SLC1A3: variants seen among roughly 807,000 people sequenced by gnomAD.
The protein encoded by SLC1A3 is solute carrier family 1 member 3, also known as excitatory amino acid transporter 1.
In SLC1A3, 21 loss-of-function variants were observed where a neutral mutation model predicts 48.1. The ratio of observed to expected loss-of-function variants is 0.44; its 90% confidence interval spans 0.31 to 0.63. The LOEUF (loss-of-function observed/expected upper bound fraction) is 0.63. Among genes scored for constraint, SLC1A3 ranks in the 20% least tolerant of loss-of-function variants. The probability of loss-of-function intolerance (pLI) is 0.08; values close to 1 mark genes in which losing one functional copy is unlikely to be tolerated. For synonymous variants in SLC1A3, 239 were observed against 251.4 expected (o/e 0.95, Z 0.47); for missense variants, 546 against 689.0 (o/e 0.79, Z 2.32).
At chr5:36,660,069 C>T (rs1023591523) in intron 3 of SLC1A3, among the ~76,000 whole-genome samples, 8 of 152,190 alleles carry the variant, frequency 5.3e-5, no homozygotes, top group African/African-American at 1.7e-4. Context: ...TTCTATCACT[C>T]GCTGTCTTTT....
chr5:36,648,947 G>A (rs745429), intron 3 of SLC1A3, among the ~76,000 whole-genome samples: 17,945 of 152,136 alleles, frequency 0.12, 1,236 homozygotes, highest in South Asian at 0.18. Context: ...GAACATTCCC[G>A]ACTGTACAGT....
At chr5:36,598,267 A>G (rs1238433369) in intron 1 of SLC1A3, among the ~76,000 whole-genome samples, 3 of 152,260 alleles carry the variant, frequency 2.0e-5, no homozygotes, top group Non-Finnish European at 4.4e-5. Context: ...AATAAAACTT[A>G]GTAACAGTGG....
intron 3 of SLC1A3, among the ~76,000 whole-genome samples, chr5:36,639,030 G>C (rs905948843): frequency 1.3e-5 from 2 of 152,200 alleles, no homozygotes; most frequent in African/African-American, 4.8e-5. Flanking sequence ...ATATTGATGA[G>C]CATAAAGTAA....
intron 3 of SLC1A3, chr5:36,666,145 G>A (rs993923692): frequency 5.3e-5 from 8 of 151,974 alleles, no homozygotes; most frequent in African/African-American, 1.9e-4. Context: ...GTGTACCCTG[G>A]ACTCAGCAGT....
intron 3 of SLC1A3, among the ~76,000 whole-genome samples, chr5:36,656,388 C>T (rs927364374): frequency 1.3e-5 from 2 of 152,148 alleles, no homozygotes; most frequent in African/African-American, 4.8e-5. Flanking sequence ...TGGTATGTGG[C>T]CTCTAGATTA....
intron 2 of SLC1A3, among the ~76,000 whole-genome samples, chr5:36,616,767 G>T (rs1022242899): frequency 5.9e-5 from 9 of 152,256 alleles, no homozygotes; most frequent in African/African-American, 2.2e-4. Flanking sequence ...AAAAGCCCGG[G>T]TTTCTTGTGC....
At chr5:36,673,135 T>C (rs1423679) in intron 4 of SLC1A3, among the ~76,000 whole-genome samples, 78,803 of 151,434 alleles carry the variant, frequency 0.52, 21,243 homozygotes, top group African/African-American at 0.67. Flanking sequence ...CCTCATAGAG[T>C]GTAGATAGGA....
At chr5:36,675,777 G>A (rs955691476) in intron 5 of SLC1A3, among the ~76,000 whole-genome samples, 1 of 152,206 alleles carries the variant, frequency 6.6e-6, no homozygotes, top group Non-Finnish European at 1.5e-5. Context: ...TGTGTCCATA[G>A]TATTGACAGC....
At chr5:36,682,519 A>T (rs893522575) in intron 8 of SLC1A3, among the ~76,000 whole-genome samples, 1 of 147,868 alleles carries the variant, frequency 6.8e-6, no homozygotes, top group African/African-American at 2.5e-5. Context: ...CTGGGTTATT[A>T]AAAAAAAAAG....
chr5:36,618,092 A>G (rs1472285977), intron 2 of SLC1A3, among the ~76,000 whole-genome samples: 4 of 152,248 alleles, frequency 2.6e-5, no homozygotes, highest in African/African-American at 9.6e-5. Context: ...GACTGAGGAA[A>G]CTAAGGAAAT....
chr5:36,665,342 AG>A (rs1223984298), intron 3 of SLC1A3, among the ~76,000 whole-genome samples: 2 of 152,216 alleles, frequency 1.3e-5, no homozygotes, highest in African/African-American at 4.8e-5. Context: ...CTAGGCACTG[AG>A]GCCACTGCAA....
At chr5:36,651,087 G>A (rs1741041126) in intron 3 of SLC1A3, among the ~76,000 whole-genome samples, 1 of 148,692 alleles carries the variant, frequency 6.7e-6, no homozygotes, top group Non-Finnish European at 1.5e-5. Flanking sequence ...AACATGATGG[G>A]GAATGCAGCT....
At chr5:36,621,940 C>A (rs148426525) in intron 2 of SLC1A3, among the ~76,000 whole-genome samples, 2 of 152,138 alleles carry the variant, frequency 1.3e-5, no homozygotes, top group South Asian at 2.1e-4. Flanking sequence ...ATTCTTGTAA[C>A]CTTGAGACAA....
At chr5:36,601,073 G>T (rs559599818) in intron 1 of SLC1A3, among the ~76,000 whole-genome samples, 2 of 152,320 alleles carry the variant, frequency 1.3e-5, no homozygotes, top group South Asian at 2.1e-4. Flanking sequence ...ATGCGAAATA[G>T]TTGCTATAAT....
At chr5:36,616,460 AG>A (rs1236531247) in intron 2 of SLC1A3, among the ~76,000 whole-genome samples, 1 of 152,210 alleles carries the variant, frequency 6.6e-6, no homozygotes, top group Non-Finnish European at 1.5e-5. Flanking sequence ...GCAAATTGAA[AG>A]GCACAACCAA....
chr5:36,668,145 A>G (rs1741836062), intron 3 of SLC1A3: 1 of 152,220 alleles, frequency 6.6e-6, no homozygotes, highest in Non-Finnish European at 1.5e-5. Flanking sequence ...AAAGTGCCCC[A>G]TTCTACAAAG....
chr5:36,654,984 C>T (rs1260433522), intron 3 of SLC1A3, among the ~76,000 whole-genome samples: 1 of 152,168 alleles, frequency 6.6e-6, no homozygotes, highest in Non-Finnish European at 1.5e-5. Context: ...CTGGAGCTAC[C>T]AGTTGCAGCA....
At chr5:36,645,489 T>A (rs1020808407) in intron 3 of SLC1A3, among the ~76,000 whole-genome samples, 2 of 151,800 alleles carry the variant, frequency 1.3e-5, no homozygotes, top group South Asian at 2.1e-4. Context: ...CCACGCCCAG[T>A]TAATTTTTAC....
chr5:36,660,865 T>G (rs1478395950), intron 3 of SLC1A3, among the ~76,000 whole-genome samples: 1 of 152,208 alleles, frequency 6.6e-6, no homozygotes. Context: ...TAAAAGCCCC[T>G]TCTGAATTTT....
Sources: gnomAD v4.1 joint callset for allele counts (sites outside exome capture counted in the v4.1 genomes callset) on GRCh38, gnomAD v4.1.1 for gene constraint, MANE v1.5 for transcripts, NCBI Gene and HGNC (gene_info 2026-07-23, HGNC 2026-07-21) for gene names.